The following SMAP1 variants were observed in gnomAD, a reference collection of about 807,000 sequenced individuals.
SMAP1 encodes small ArfGAP 1.
SMAP1 carries 24 observed loss-of-function variants against 58.5 expected under a neutral mutation model. The ratio of observed to expected loss-of-function variants is 0.41; its 90% CI spans 0.30 to 0.58. SMAP1 has a LOEUF of 0.58. SMAP1 is among the 20% of genes least tolerant of loss of function. The probability of loss-of-function intolerance (pLI) is 0.29; values close to 1 mark genes in which losing one functional copy is unlikely to be tolerated. For missense variants in SMAP1, 563 were observed against 566.3 expected (o/e 0.99, Z 0.06); for synonymous variants, 216 against 196.6 (o/e 1.10, Z -0.82).
chr6:70,719,828 C>T (rs1206017837), intron 1 of SMAP1, among the ~76,000 whole-genome samples: 3 of 152,102 alleles, frequency 2.0e-5, no homozygotes, highest in African/African-American at 7.2e-5. Context: ...AGACTAGCCC[C>T]CATGGTTCAA....
intron 1 of SMAP1, among the ~76,000 whole-genome samples, chr6:70,682,340 C>T (rs1188428093): frequency 6.6e-6 from 1 of 151,846 alleles, no homozygotes; most frequent in Non-Finnish European, 1.5e-5. Context: ...AGGCGCCCAC[C>T]ACCACGCCCA....
chr6:70,719,196 C>T (rs1163142217), intron 1 of SMAP1, among the ~76,000 whole-genome samples: 1 of 152,018 alleles, frequency 6.6e-6, no homozygotes, highest in Admixed American at 6.6e-5. Flanking sequence ...ATTATATGTA[C>T]TTTGTCGTTT....
At chr6:70,676,862 G>T (rs1362950464) in intron 1 of SMAP1, among the ~76,000 whole-genome samples, 1 of 151,864 alleles carries the variant, frequency 6.6e-6, no homozygotes, top group Non-Finnish European at 1.5e-5. Flanking sequence ...AGCCCATTGC[G>T]GCCTCTAACT....
At chr6:70,835,934 A>G (rs1364429858) in intron 6 of SMAP1, among the ~76,000 whole-genome samples, 1 of 152,210 alleles carries the variant, frequency 6.6e-6, no homozygotes, top group East Asian at 1.9e-4. Flanking sequence ...TGTAACTATG[A>G]CTTCGGCTCC....
chr6:70,812,122 G>A (rs1009457681), intron 6 of SMAP1, among the ~76,000 whole-genome samples: 1 of 152,172 alleles, frequency 6.6e-6, no homozygotes, highest in Admixed American at 6.6e-5. Context: ...GTAGGTAATT[G>A]AAGACACTGA....
At chr6:70,768,978 A>G (rs1170601392) in intron 3 of SMAP1, among the ~76,000 whole-genome samples, 1 of 151,950 alleles carries the variant, frequency 6.6e-6, no homozygotes, top group Non-Finnish European at 1.5e-5. Context: ...TTCAAAGAAC[A>G]TCTTTATTTC....
intron 3 of SMAP1, among the ~76,000 whole-genome samples, chr6:70,764,251 A>T (rs141331186): frequency 6.6e-6 from 1 of 152,208 alleles, no homozygotes; most frequent in South Asian, 2.1e-4. Context: ...TCTGCAGAAC[A>T]TAAAAATCAA....
chr6:70,690,196 A>G (rs914601696), intron 1 of SMAP1, among the ~76,000 whole-genome samples: 18 of 152,190 alleles, frequency 1.2e-4, no homozygotes, highest in Non-Finnish European at 2.2e-4. Context: ...TATCAAGTTG[A>G]GGAAATTTCC....
chr6:70,788,660 G>T (rs892322704), intron 4 of SMAP1, among the ~76,000 whole-genome samples: 3 of 152,114 alleles, frequency 2.0e-5, no homozygotes, highest in Admixed American at 2.0e-4. Context: ...GGCCCCTAGA[G>T]TTCAGAGAAG....
At chr6:70,722,856 G>A (rs905199248) in intron 1 of SMAP1, among the ~76,000 whole-genome samples, 3 of 152,162 alleles carry the variant, frequency 2.0e-5, no homozygotes, top group Non-Finnish European at 2.9e-5. Flanking sequence ...CCTTCATTCC[G>A]GTAAACCCAC....
intron 4 of SMAP1, among the ~76,000 whole-genome samples, chr6:70,774,260 G>A (rs534038819): frequency 3.9e-5 from 6 of 152,232 alleles, no homozygotes; most frequent in African/African-American, 1.4e-4. Flanking sequence ...GGACTGTTAT[G>A]TTTTATCAGC....
chr6:70,668,205 T>G, intron 1 of SMAP1, 64 bp downstream of exon 1: 1 of 1,432,426 alleles, frequency 7.0e-7, no homozygotes, highest in Non-Finnish European at 9.6e-7. Flanking sequence ...TTCCCGCCGC[T>G]GCGGCGCTCG....
intron 1 of SMAP1, among the ~76,000 whole-genome samples, chr6:70,722,167 A>T (rs555214441): frequency 7.9e-5 from 12 of 152,364 alleles, no homozygotes; most frequent in Admixed American, 7.8e-4. Context: ...ATACTGTTAG[A>T]TTGAAATTAG....
chr6:70,745,224 T>C (rs1765979121), intron 2 of SMAP1, among the ~76,000 whole-genome samples: 1 of 152,254 alleles, frequency 6.6e-6, no homozygotes, highest in African/African-American at 2.4e-5. Flanking sequence ...TTGCTTTTGG[T>C]GTTTTAGTCA....
chr6:70,840,036 A>G (rs1770743721), intron 7 of SMAP1, among the ~76,000 whole-genome samples: 1 of 151,716 alleles, frequency 6.6e-6, no homozygotes, highest in Admixed American at 6.7e-5. Context: ...TGTAAATTGA[A>G]ACACAGCGGG....
At chr6:70,720,217 C>T (rs949101962) in intron 1 of SMAP1, among the ~76,000 whole-genome samples, 1 of 152,134 alleles carries the variant, frequency 6.6e-6, no homozygotes, top group Non-Finnish European at 1.5e-5. Context: ...AGGGCCCATG[C>T]AAGTCCAAAA....
At chr6:70,696,087 T>A (rs1767390957) in intron 1 of SMAP1, among the ~76,000 whole-genome samples, 1 of 152,208 alleles carries the variant, frequency 6.6e-6, no homozygotes, top group Non-Finnish European at 1.5e-5. Context: ...TAGCCTCTAA[T>A]GATGGTTTGA....
intron 4 of SMAP1, among the ~76,000 whole-genome samples, chr6:70,781,938 C>A (rs566757992): frequency 1.3e-5 from 2 of 152,086 alleles, no homozygotes; most frequent in Non-Finnish European, 2.9e-5. Flanking sequence ...AACGTCTGAG[C>A]TTAAGAATAA....
intron 1 of SMAP1, 152 bp downstream of exon 1, chr6:70,668,293 G>A: frequency 1.2e-6 from 1 of 835,218 alleles, no homozygotes; most frequent in Non-Finnish European, 1.8e-6. Context: ...GGGCGGGCGC[G>A]GGGCTCCTGT....
Sources: allele counts gnomAD v4.1 joint callset (sites outside exome capture counted in the v4.1 genomes callset), GRCh38; gene constraint gnomAD v4.1.1; transcripts MANE v1.5; gene names NCBI Gene and HGNC (gene_info 2026-07-23, HGNC 2026-07-21).